Variants in ROBO2 observed in about 807,000 individuals in gnomAD.
ROBO2 encodes the protein roundabout guidance receptor 2.
In ROBO2, 53 loss-of-function variants were observed where a neutral mutation model predicts 160.8. That is an observed-to-expected ratio of 0.33 (90% CI 0.26 to 0.41). ROBO2 has a LOEUF of 0.41. Ranked by LOEUF, ROBO2 falls within the 10% of genes least tolerant of loss-of-function variation. The pLI is 1.00. For missense variants in ROBO2, 1,577 were observed against 1,722.4 expected, an observed-to-expected ratio of 0.92 and a Z score of 1.49; for synonymous variants, 664 against 611.7, an observed-to-expected ratio of 1.09 and a Z score of -1.26.
intron 24 of ROBO2, among the ~76,000 whole-genome samples, chr3:77,638,505 A>G (rs1211111408): frequency 1.3e-5 from 2 of 152,134 alleles, no homozygotes; most frequent in Non-Finnish European, 2.9e-5. Context: ...CGTGGTGTCA[A>G]ACTAACTACT....
At chr3:76,191,258 T>C (rs1429163038) in intron 2 of ROBO2, among the ~76,000 whole-genome samples, 2 of 152,166 alleles carry the variant, frequency 1.3e-5, no homozygotes, top group Non-Finnish European at 2.9e-5. Flanking sequence ...CCTACAAATA[T>C]AATTTCAACA....
chr3:77,315,462 T>C (rs549273680), intron 2 of ROBO2, among the ~76,000 whole-genome samples: 3 of 152,314 alleles, frequency 2.0e-5, no homozygotes, highest in Admixed American at 2.0e-4. Context: ...AGTTGATTCC[T>C]TTGTCTCTCC....
At chr3:76,515,164 T>C (rs1443280515) in intron 2 of ROBO2, among the ~76,000 whole-genome samples, 1 of 152,164 alleles carries the variant, frequency 6.6e-6, no homozygotes, top group African/African-American at 2.4e-5. Context: ...TTTAAATAAG[T>C]GATTTCCTTA....
At chr3:77,430,102 C>A (rs1014310300) in intron 2 of ROBO2, among the ~76,000 whole-genome samples, 2 of 152,056 alleles carry the variant, frequency 1.3e-5, no homozygotes, top group Non-Finnish European at 2.9e-5. Context: ...AGCTTGCAAT[C>A]CATTCTGTGG....
intron 2 of ROBO2, among the ~76,000 whole-genome samples, chr3:76,693,923 TC>T: frequency 6.6e-6 from 1 of 152,320 alleles, no homozygotes; most frequent in Middle Eastern, 3.4e-3. Flanking sequence ...TATCAGTCTC[TC>T]CTGGAAACAT....
intron 2 of ROBO2, among the ~76,000 whole-genome samples, chr3:76,264,723 A>T (rs1395439991): frequency 6.6e-6 from 1 of 152,132 alleles, no homozygotes; most frequent in Non-Finnish European, 1.5e-5. Context: ...TTTTAGGGTG[A>T]CATAAGATCA....
chr3:76,380,075 A>C (rs1309654176), intron 2 of ROBO2, among the ~76,000 whole-genome samples: 1 of 151,950 alleles, frequency 6.6e-6, no homozygotes, highest in Admixed American at 6.6e-5. Flanking sequence ...TGCATATGCC[A>C]TATCTAGGTG....
intron 2 of ROBO2, among the ~76,000 whole-genome samples, chr3:76,149,382 T>C (rs2072053938): frequency 1.3e-5 from 2 of 152,136 alleles, no homozygotes; most frequent in African/African-American, 2.4e-5. Flanking sequence ...TTCTCCTTGA[T>C]CCCTTTGATC....
At chr3:76,993,071 G>A (rs2060784939) in intron 2 of ROBO2, among the ~76,000 whole-genome samples, 1 of 152,086 alleles carries the variant, frequency 6.6e-6, no homozygotes, top group Non-Finnish European at 1.5e-5. Flanking sequence ...ACCTGCCTCA[G>A]CCTCCCAAAG....
At chr3:77,168,382 G>A (rs1410413902) in intron 2 of ROBO2, among the ~76,000 whole-genome samples, 1 of 152,060 alleles carries the variant, frequency 6.6e-6, no homozygotes, top group Non-Finnish European at 1.5e-5. Flanking sequence ...GAGTTATCTG[G>A]CCTCCATTGG....
At chr3:76,111,881 T>C (rs116825958) in intron 2 of ROBO2, among the ~76,000 whole-genome samples, 1,636 of 152,228 alleles carry the variant, frequency 0.011, 29 homozygotes, top group African/African-American at 0.035. Flanking sequence ...CTGTTAAAAA[T>C]AGAAGGTCCT....
intron 2 of ROBO2, among the ~76,000 whole-genome samples, chr3:77,449,611 A>G (rs985398366): frequency 1.3e-5 from 2 of 152,086 alleles, no homozygotes; most frequent in African/African-American, 4.8e-5. Flanking sequence ...AAAACCAACA[A>G]TTTTATGCAT....
At chr3:76,875,231 C>T (rs2072575530) in intron 2 of ROBO2, among the ~76,000 whole-genome samples, 1 of 152,184 alleles carries the variant, frequency 6.6e-6, no homozygotes, top group Non-Finnish European at 1.5e-5. Context: ...CAGCAACACT[C>T]ACCAGAAAAC....
Position 76,807,021 on chromosome 3 carries a change from T to C in ROBO2, c.110-290993T>C, listed in dbSNP as rs1048606840. ...AGAATCAATATAATGACACTACGTT[T>C]CTCTACACCAAAAGTTGGGGAAGAA... On this transcript the variant is annotated intron_variant, in intron 2 of 26. Coordinates refer to the ROBO2 transcript ENST00000487694. 3.3e-5 allele frequency among the ~76,000 whole-genome samples: 5 copies of C among 151,992 alleles called. No individual in the cohort carries two copies. In the East Asian group the frequency reaches 7.7e-4, roughly 23 times the overall value.
intron 1 of ROBO2, among the ~76,000 whole-genome samples, chr3:75,912,556 C>T (rs1347235724): frequency 6.6e-6 from 1 of 152,088 alleles, no homozygotes; most frequent in Non-Finnish European, 1.5e-5. Flanking sequence ...TAGGTATTGT[C>T]CCCAGACTGG....
chr3:77,504,149 T>A (rs559321612), intron 5 of ROBO2, among the ~76,000 whole-genome samples: 1 of 152,196 alleles, frequency 6.6e-6, no homozygotes, highest in South Asian at 2.1e-4. Flanking sequence ...TGATTCATCA[T>A]ATAGACCTAT....
At chr3:76,920,819 T>G (rs1400852968) in intron 2 of ROBO2, among the ~76,000 whole-genome samples, 3 of 152,220 alleles carry the variant, frequency 2.0e-5, no homozygotes, top group African/African-American at 7.2e-5. Context: ...AGACAATACT[T>G]CAGCTTTGAT....
chr3:76,220,440 G>A (rs1255986921), intron 2 of ROBO2, among the ~76,000 whole-genome samples: 1 of 152,082 alleles, frequency 6.6e-6, no homozygotes, highest in Non-Finnish European at 1.5e-5. Flanking sequence ...CTCACACAGG[G>A]ATTAGTGCCT....
At chr3:76,219,819 A>G (rs1383676494) in intron 2 of ROBO2, among the ~76,000 whole-genome samples, 1 of 152,200 alleles carries the variant, frequency 6.6e-6, no homozygotes, top group Non-Finnish European at 1.5e-5. Context: ...TAGCCATCCC[A>G]TTACTGGGTA....
Sources: gnomAD v4.1 joint callset for allele counts (sites outside exome capture counted in the v4.1 genomes callset) on GRCh38, gnomAD v4.1.1 for gene constraint, MANE v1.5 for transcripts, NCBI Gene and HGNC (gene_info 2026-07-23, HGNC 2026-07-21) for gene names.